Variants in RORA observed in about 807,000 individuals in gnomAD.
RORA encodes RAR related orphan receptor A.
Under a neutral mutation model 69.5 loss-of-function variants are expected in RORA, and 7 were observed. The ratio of observed to expected loss-of-function variants is 0.10; its 90% confidence interval spans 0.06 to 0.19. The LOEUF (loss-of-function observed/expected upper bound fraction) is 0.19, where lower values mean the gene tolerates loss of function less well. Among genes scored for constraint, RORA ranks in the 10% least tolerant of loss-of-function variants. RORA has a pLI of 1.00. For synonymous variants in RORA, 261 were observed against 240.8 expected (o/e 1.08, Z -0.78); for missense variants, 457 against 663.0 (o/e 0.69, Z 3.41).
intron 1 of RORA, among the ~76,000 whole-genome samples, chr15:61,037,732 C>T (rs1291887779): frequency 6.6e-6 from 1 of 152,110 alleles, no homozygotes; most frequent in Non-Finnish European, 1.5e-5. Context: ...TCAAGGAGGT[C>T]ATAATCTAGT....
intron 2 of RORA, among the ~76,000 whole-genome samples, chr15:60,606,639 A>T (rs2068953374): frequency 6.6e-6 from 1 of 152,230 alleles, no homozygotes; most frequent in Non-Finnish European, 1.5e-5. Context: ...ATGTTTGAAA[A>T]AGATAGTTAA....
chr15:61,139,755 G>A (rs1327496337), intron 1 of RORA, among the ~76,000 whole-genome samples: 3 of 152,188 alleles, frequency 2.0e-5, no homozygotes, highest in African/African-American at 7.2e-5. Context: ...ACCAGGGCAG[G>A]AGAGACAGAG....
intron 10 of RORA, among the ~76,000 whole-genome samples, chr15:60,498,412 G>A (rs1245595956): frequency 2.0e-5 from 3 of 152,140 alleles, no homozygotes; most frequent in African/African-American, 4.8e-5. Context: ...AGTCAACTCC[G>A]ATAACTACAC....
At chr15:60,686,119 C>A (rs2070744175) in intron 1 of RORA, among the ~76,000 whole-genome samples, 1 of 152,112 alleles carries the variant, frequency 6.6e-6, no homozygotes, top group Non-Finnish European at 1.5e-5. Flanking sequence ...GACATTAGTG[C>A]CCAGAAATAT....
intron 1 of RORA, among the ~76,000 whole-genome samples, chr15:60,704,355 G>A (rs2071029329): frequency 6.6e-6 from 1 of 152,240 alleles, no homozygotes. Context: ...CATCCTAAGA[G>A]CAAACACAAC....
At chr15:61,145,325 G>A (rs1292024874) in intron 1 of RORA, among the ~76,000 whole-genome samples, 1 of 152,132 alleles carries the variant, frequency 6.6e-6, no homozygotes, top group Non-Finnish European at 1.5e-5. Context: ...CAACAATCCT[G>A]CAAGTTACGT....
intron 1 of RORA, among the ~76,000 whole-genome samples, chr15:61,084,702 G>A (rs1313708146): frequency 6.6e-6 from 1 of 152,136 alleles, no homozygotes; most frequent in East Asian, 1.9e-4. Context: ...GCACAGAACC[G>A]GGGAAGCAGC....
intron 1 of RORA, among the ~76,000 whole-genome samples, chr15:60,947,421 C>G (rs1381206702): frequency 6.6e-6 from 1 of 152,054 alleles, no homozygotes; most frequent in South Asian, 2.1e-4. Flanking sequence ...GAAACATGTG[C>G]TGTGTCCACT....
intron 2 of RORA, among the ~76,000 whole-genome samples, chr15:60,590,792 C>T (rs906657164): frequency 2.0e-5 from 3 of 152,078 alleles, no homozygotes; most frequent in Non-Finnish European, 4.4e-5. Context: ...CTTAAGAGCG[C>T]GGATCACGGG....
chr15:60,830,955 G>C (rs2073034572), intron 1 of RORA, among the ~76,000 whole-genome samples: 1 of 152,206 alleles, frequency 6.6e-6, no homozygotes, highest in Non-Finnish European at 1.5e-5. Context: ...ACGTGTGTGT[G>C]TGTATGTGTG....
chr15:61,190,309 A>G (rs1428618022), intron 1 of RORA, among the ~76,000 whole-genome samples: 1 of 152,224 alleles, frequency 6.6e-6, no homozygotes, highest in Admixed American at 6.5e-5. Context: ...GGACACCAAT[A>G]AGTTCTATAA....
chr15:61,089,983 C>T (rs1176514649), intron 1 of RORA, among the ~76,000 whole-genome samples: 1 of 152,244 alleles, frequency 6.6e-6, no homozygotes, highest in Non-Finnish European at 1.5e-5. Context: ...GACCTGGGGG[C>T]TGGAATTCAC....
At chr15:60,552,108 G>A (rs899588645) in intron 2 of RORA, among the ~76,000 whole-genome samples, 20 of 152,198 alleles carry the variant, frequency 1.3e-4, no homozygotes, top group Admixed American at 2.0e-4. Flanking sequence ...GGTAGAACAC[G>A]ATGCAGCTGC....
chr15:60,587,061 T>G (rs145299434), intron 2 of RORA, among the ~76,000 whole-genome samples: 2 of 152,282 alleles, frequency 1.3e-5, no homozygotes, highest in African/African-American at 4.8e-5. Flanking sequence ...GAAGATGCAT[T>G]TGTGAATGTT....
intron 1 of RORA, among the ~76,000 whole-genome samples, chr15:61,170,151 G>A (rs1242468832): frequency 1.3e-5 from 2 of 152,194 alleles, no homozygotes; most frequent in East Asian, 3.9e-4. Flanking sequence ...TCCTGTGGCT[G>A]CAGTGATCAA....
chr15:60,692,178 T>C (rs1289958768), intron 1 of RORA, among the ~76,000 whole-genome samples: 2 of 152,194 alleles, frequency 1.3e-5, no homozygotes, highest in Admixed American at 6.5e-5. Context: ...CTGGGATCAG[T>C]TGGAATAGTA....
At chr15:60,736,444 C>T (rs1391665174) in intron 1 of RORA, among the ~76,000 whole-genome samples, 1 of 152,180 alleles carries the variant, frequency 6.6e-6, no homozygotes, top group Non-Finnish European at 1.5e-5. Flanking sequence ...AGAGGAAAAC[C>T]TTTGCATAGG....
At chr15:61,050,678 C>T (rs1379354160) in intron 1 of RORA, among the ~76,000 whole-genome samples, 2 of 152,170 alleles carry the variant, frequency 1.3e-5, no homozygotes, top group African/African-American at 4.8e-5. Context: ...TCACAAGAGT[C>T]AGGGGTTGGT....
At chr15:60,784,054 G>A (rs1595712215) in intron 1 of RORA, among the ~76,000 whole-genome samples, 1 of 152,188 alleles carries the variant, frequency 6.6e-6, no homozygotes, top group East Asian at 1.9e-4. Flanking sequence ...GCAGGCCCAT[G>A]CTTTGGTTCT....
Sources: allele counts gnomAD v4.1 joint callset (sites outside exome capture counted in the v4.1 genomes callset), GRCh38; gene constraint gnomAD v4.1.1; transcripts MANE v1.5; gene names NCBI Gene and HGNC (gene_info 2026-07-23, HGNC 2026-07-21).